PELI2: variants seen among roughly 807,000 people sequenced by gnomAD.
PELI2 encodes the protein E3 ubiquitin-protein ligase pellino homolog 2.
A neutral mutation model predicts 42.3 loss-of-function variants in PELI2; 23 were observed. The observed-to-expected ratio is 0.54, with a 90% CI of 0.39 to 0.77. The LOEUF is 0.77. Among genes scored for constraint, PELI2 ranks in the 30% least tolerant of loss-of-function variants. The pLI is 0.00. For missense variants in PELI2, 463 were observed against 553.2 expected (o/e 0.84, Z 1.64); for synonymous variants, 245 against 212.2 (o/e 1.15, Z -1.34).
At chr14:56,234,460 G>A (rs910362128) in intron 2 of PELI2, among the ~76,000 whole-genome samples, 2 of 152,120 alleles carry the variant, frequency 1.3e-5, no homozygotes, top group South Asian at 2.1e-4. Context: ...AGGGACATGG[G>A]TGAAGCTGGA....
At chr14:56,221,578 T>C (rs573685284) in intron 2 of PELI2, among the ~76,000 whole-genome samples, 74 of 152,344 alleles carry the variant, frequency 4.9e-4, no homozygotes, top group Middle Eastern at 3.4e-3. Context: ...ACTAGACTTA[T>C]CACGATGAGA....
chr14:56,177,408 A>G (rs1171939435), intron 1 of PELI2, among the ~76,000 whole-genome samples: 3 of 152,218 alleles, frequency 2.0e-5, no homozygotes, highest in Non-Finnish European at 4.4e-5. Context: ...GCTGTCATAC[A>G]TACCTCTGTA....
chr14:56,281,326 T>G (rs1889474736), intron 3 of PELI2, among the ~76,000 whole-genome samples: 1 of 152,146 alleles, frequency 6.6e-6, no homozygotes, highest in African/African-American at 2.4e-5. Context: ...CAAAATACCA[T>G]GCAGCCATTA....
Position 56,285,966 on chromosome 14 carries a change from A to G in PELI2, c.310-2471A>G, listed in dbSNP as rs532873212. ...CAGAATGAGATAAGCATACAAATTG[A>G]GAGGAAACTTTTATGACAGTTTGGC... is the stretch of plus-strand genomic sequence containing the variant. On this transcript the variant is annotated intron_variant, in intron 3 of 5. Coordinates refer to ENST00000267460, the MANE Select transcript of PELI2 (RefSeq NM_021255.3). Among the ~76,000 whole-genome samples the G allele has an allele frequency of 2.6e-5, 4 of 152,336 alleles. No homozygotes were observed. In the South Asian group the frequency reaches 8.3e-4, roughly 32 times the overall value.
intron 2 of PELI2, among the ~76,000 whole-genome samples, chr14:56,238,896 A>T (rs1471756821): frequency 6.6e-6 from 1 of 152,222 alleles, no homozygotes; most frequent in Admixed American, 6.5e-5. Context: ...TTTTCTAGAG[A>T]TAAAAGAGGT....
At chr14:56,154,299 A>G (rs919962814) in intron 1 of PELI2, among the ~76,000 whole-genome samples, 1 of 152,156 alleles carries the variant, frequency 6.6e-6, no homozygotes, top group African/African-American at 2.4e-5. Context: ...ATTCATTGTT[A>G]TTTGAACATT....
At chr14:56,282,271 CA>C (rs1223899184) in intron 3 of PELI2, among the ~76,000 whole-genome samples, 1 of 151,846 alleles carries the variant, frequency 6.6e-6, no homozygotes, top group Non-Finnish European at 1.5e-5. Flanking sequence ...GAAAGAGCTC[CA>C]AACATATTAA....
intron 1 of PELI2, among the ~76,000 whole-genome samples, chr14:56,165,243 C>A (rs1358508155): frequency 6.6e-6 from 1 of 152,036 alleles, no homozygotes; most frequent in Non-Finnish European, 1.5e-5. Flanking sequence ...TCATTTGTTT[C>A]AAGATATTTT....
At chr14:56,245,716 G>A (rs544235872) in intron 2 of PELI2, among the ~76,000 whole-genome samples, 1 of 152,276 alleles carries the variant, frequency 6.6e-6, no homozygotes, top group East Asian at 1.9e-4. Flanking sequence ...TGCATCTGCA[G>A]ATCCAACAAA....
chr14:56,290,180 C>T (rs1889780690), intron 4 of PELI2, 88 bp from the exon 5 acceptor site: 4 of 1,011,986 alleles, frequency 4.0e-6, no homozygotes, highest in Non-Finnish European at 5.7e-6. Flanking sequence ...CCCTCTGCCT[C>T]TATGCAATGT....
intron 3 of PELI2, among the ~76,000 whole-genome samples, chr14:56,283,087 C>T (rs762610392): frequency 6.6e-5 from 10 of 152,112 alleles, no homozygotes; most frequent in East Asian, 1.9e-4. Context: ...CTTGTTTCTT[C>T]GGAATTTTTC....
chr14:56,206,217 C>A (rs918439725), intron 2 of PELI2, among the ~76,000 whole-genome samples: 15 of 152,156 alleles, frequency 9.9e-5, no homozygotes, highest in African/African-American at 3.6e-4. Flanking sequence ...GATTACTTCC[C>A]TGTACTTGAT....
At chr14:56,164,682 CT>C (rs1401681253) in intron 1 of PELI2, among the ~76,000 whole-genome samples, 5 of 151,986 alleles carry the variant, frequency 3.3e-5, no homozygotes. Context: ...CTTTTCTTTA[CT>C]GGGAGACTTC....
intron 1 of PELI2, among the ~76,000 whole-genome samples, chr14:56,126,779 G>T (rs777510539): frequency 1.2e-4 from 19 of 152,200 alleles, no homozygotes; most frequent in Non-Finnish European, 2.4e-4. Flanking sequence ...CCCTTCCTGC[G>T]GAAGGATTGT....
chr14:56,195,893 A>AT (rs1395483887), intron 2 of PELI2, among the ~76,000 whole-genome samples: 1 of 152,228 alleles, frequency 6.6e-6, no homozygotes, highest in Admixed American at 6.5e-5. Context: ...TTCAGGCAGC[A>AT]TGTGACAGTG....
At chr14:56,277,777 G>A (rs1412084723) in intron 2 of PELI2, among the ~76,000 whole-genome samples, 3 of 152,088 alleles carry the variant, frequency 2.0e-5, no homozygotes, top group African/African-American at 7.2e-5. Flanking sequence ...AAATGTGTTA[G>A]GGAATAAAAA....
chr14:56,173,559 A>T (rs1350890900), intron 1 of PELI2, among the ~76,000 whole-genome samples: 3 of 152,152 alleles, frequency 2.0e-5, no homozygotes, highest in Admixed American at 6.5e-5. Flanking sequence ...TAACAACAAC[A>T]GATGTTCATT....
At chr14:56,164,728 G>C (rs1029672281) in intron 1 of PELI2, among the ~76,000 whole-genome samples, 1 of 152,022 alleles carries the variant, frequency 6.6e-6, no homozygotes. Context: ...TTATTGGTCT[G>C]TTCAGGTTTT....
At chr14:56,233,323 C>T (rs536500406) in intron 2 of PELI2, among the ~76,000 whole-genome samples, 1 of 152,266 alleles carries the variant, frequency 6.6e-6, no homozygotes, top group South Asian at 2.1e-4. Flanking sequence ...AAGAACAAAG[C>T]TGGAGGCATC....
Sources: gnomAD v4.1 joint callset for allele counts (sites outside exome capture counted in the v4.1 genomes callset) on GRCh38, gnomAD v4.1.1 for gene constraint, MANE v1.5 for transcripts, NCBI Gene and HGNC (gene_info 2026-07-23, HGNC 2026-07-21) for gene names.